PLA2R1: variants seen among roughly 807,000 people sequenced by gnomAD.
PLA2R1 encodes the protein secretory phospholipase A2 receptor.
Under a neutral mutation model 195.9 loss-of-function variants are expected in PLA2R1, and 158 were observed. The observed-to-expected ratio is 0.81, with a 90% CI of 0.71 to 0.92. PLA2R1 has a LOEUF of 0.92. PLA2R1 is among the 40% of genes least tolerant of loss of function. PLA2R1 has a pLI of 0.00. For missense variants in PLA2R1, 1,626 were observed against 1,764.6 expected (o/e 0.92, Z 1.41); for synonymous variants, 586 against 598.2 (o/e 0.98, Z 0.30).
chr2:159,976,761 T>A, intron 15 of PLA2R1, 41 bp from the exon 16 acceptor site: 1 of 1,517,966 alleles, frequency 6.6e-7, no homozygotes, highest in Non-Finnish European at 9.1e-7. Context: ...ATCTTGCTTC[T>A]CAAGTGCATT....
At chr2:159,986,433 A>C (rs1690339926) in intron 12 of PLA2R1, among the ~76,000 whole-genome samples, 3 of 152,012 alleles carry the variant, frequency 2.0e-5, no homozygotes, top group African/African-American at 7.2e-5. Flanking sequence ...CCAGATTCAT[A>C]CTCTGGCAGC....
intron 3 of PLA2R1, among the ~76,000 whole-genome samples, chr2:160,039,811 C>A (rs1355422): frequency 2.0e-5 from 3 of 151,632 alleles, no homozygotes; most frequent in Non-Finnish European, 4.4e-5. Context: ...CTGAGCTGTA[C>A]AAGGCTGAAC....
intron 9 of PLA2R1, 60 bp from the exon 10 acceptor site, chr2:160,013,435 T>C: frequency 1.1e-6 from 1 of 943,588 alleles, no homozygotes; most frequent in East Asian, 2.5e-5. Context: ...TACCAAGAGA[T>C]ATTTTTGCAT....
chr2:160,010,210 T>C (rs182342595), intron 10 of PLA2R1, among the ~76,000 whole-genome samples: 1 of 152,374 alleles, frequency 6.6e-6, no homozygotes, highest in African/African-American at 2.4e-5. Context: ...TTGGATTATT[T>C]TGTACCAATA....
chr2:159,945,675 T>G (rs1251523607), intron 27 of PLA2R1: 5 of 411,928 alleles, frequency 1.2e-5, no homozygotes, highest in Admixed American at 6.4e-5. Context: ...GTATGTGTCT[T>G]TATAGCAGCA....
intron 11 of PLA2R1, among the ~76,000 whole-genome samples, chr2:159,997,356 C>G (rs1419835384): frequency 6.6e-6 from 1 of 152,150 alleles, no homozygotes; most frequent in African/African-American, 2.4e-5. Flanking sequence ...ATAGAGCTGG[C>G]TGGAGTTGCA....
At chr2:160,004,647 G>A (rs1371935718) in intron 11 of PLA2R1, among the ~76,000 whole-genome samples, 1 of 152,226 alleles carries the variant, frequency 6.6e-6, no homozygotes, top group Non-Finnish European at 1.5e-5. Flanking sequence ...ACTCTTTGCT[G>A]TTGTCTCTGG....
intron 1 of PLA2R1, among the ~76,000 whole-genome samples, chr2:160,059,355 T>C (rs1253513578): frequency 2.0e-5 from 3 of 152,174 alleles, no homozygotes; most frequent in Non-Finnish European, 2.9e-5. Flanking sequence ...CTGTGCACCG[T>C]AGTAAGTAAT....
Position 159,955,155 on chromosome 2 carries a change from T to C in PLA2R1, c.3301+44A>G, listed in dbSNP as rs555628206. ...GTAAAACCAACATGAAAGAGAAGGA[T>C]GGACTTTGGAAATGAAAGGAATAAA... On this transcript the variant is annotated intron_variant, in intron 23 of 29. Coordinates refer to ENST00000283243, the MANE Select transcript of PLA2R1 (RefSeq NM_007366.5). 321 of 1,489,718 alleles carry C rather than the reference T, an allele frequency of 2.2e-4. 2 individuals are homozygous for C. In the South Asian group the frequency reaches 3.0e-3, roughly 14 times the overall value. The allele number at this position is 1,489,718 out of a possible 1,614,324, so 92.3% of individuals were successfully genotyped here.
At position 159,935,491 on chromosome 2, in the gene PLA2R1, CAG is replaced by C. The variant is rs1356009007; in HGVS notation, c.*6285_*6286del. On this transcript the variant is annotated 3_prime_UTR_variant, in exon 30 of 30. Coordinates refer to ENST00000283243, the MANE Select transcript of PLA2R1 (RefSeq NM_007366.5). Reference sequence around the variant, plus strand: ...AATTGTTTACATCAGTATGGACACACAGATATTTATTGTGTGGGTTATAATCC... The same window carrying C: ...AATTGTTTACATCAGTATGGACACACATATTTATTGTGTGGGTTATAATCC... 2.0e-5 allele frequency: 3 copies of C among 152,208 alleles called. No individual in the cohort carries two copies. The highest frequency in any genetic ancestry group is 7.2e-5 in the African/African-American group (3 of 41,458). 9.4% of individuals were successfully genotyped at this position (152,208 alleles called of 1,614,324 possible).
intron 20 of PLA2R1, among the ~76,000 whole-genome samples, chr2:159,963,911 C>A (rs1457892665): frequency 6.6e-6 from 1 of 152,134 alleles, no homozygotes; most frequent in Non-Finnish European, 1.5e-5. Context: ...GGGACTCAAA[C>A]AGAGACTTAC....
At chr2:160,004,497 T>C (rs1195360667) in intron 11 of PLA2R1, among the ~76,000 whole-genome samples, 2 of 152,180 alleles carry the variant, frequency 1.3e-5, no homozygotes, top group African/African-American at 2.4e-5. Flanking sequence ...CCTCCCCCTG[T>C]GGCTTAGCAA....
chr2:159,941,457 T>C lies in PLA2R1; in HGVS notation c.*321A>G, dbSNP rs944824943. ...AAATTCCCCCAAATTTTAGTAGAGA[T>C]ACATTAATGCAAAAACTATTATTCG... On this transcript the variant is annotated 3_prime_UTR_variant, in exon 30 of 30. Coordinates refer to ENST00000283243, the MANE Select transcript of PLA2R1 (RefSeq NM_007366.5). 12 of 180,138 alleles carry C rather than the reference T, an allele frequency of 6.7e-5. No homozygotes were observed. The highest frequency in any genetic ancestry group is 1.3e-4 in the Non-Finnish European group (11 of 85,926). 11.2% of individuals were successfully genotyped at this position (180,138 alleles called of 1,614,324 possible). A position where few individuals can be genotyped will look rare whatever the true frequency, so the allele number is the denominator to read the frequency against.
At chr2:159,942,243 C>CTATG in intron 28 of PLA2R1, 84 bp from the exon 29 acceptor site, 1 of 996,084 alleles carries the variant, frequency 1.0e-6, no homozygotes, top group Non-Finnish European at 1.6e-6. Flanking sequence ...GATCAGCAAA[C>CTATG]TATGGCCCAT....
At chr2:160,038,239 G>A (rs1257454807) in intron 3 of PLA2R1, among the ~76,000 whole-genome samples, 15 of 152,172 alleles carry the variant, frequency 9.9e-5, no homozygotes, top group African/African-American at 3.4e-4. Context: ...TTCAAGACTC[G>A]CACAGGTCTA....
chr2:160,005,905 T>C (rs1691952930), intron 10 of PLA2R1, 84 bp from the exon 11 acceptor site: 5 of 897,320 alleles, frequency 5.6e-6, no homozygotes, highest in South Asian at 1.5e-5. Flanking sequence ...GTGCACAGAA[T>C]GGCCCCAGAG....
Position 160,016,642 on chromosome 2 carries a change from A to AGAT in PLA2R1, c.1522_1523insATC (p.Val507_Leu508insHis), listed in dbSNP as rs1558934752. On this transcript the variant is annotated inframe_insertion, in exon 9 of 30. Transcript: ENST00000283243. ...TTGACATCCTGATTCAGCATCAGAG[A>AGAT]GGACATGGCCTGCTTTTTTACAAAT... The AGAT allele has an allele frequency of 6.2e-7, 1 of 1,607,132 alleles. No homozygotes were observed. Among genetic ancestry groups the AGAT allele is most frequent in the South Asian group, 1.1e-5 (1 of 90,912 alleles).
At chr2:160,030,638 A>G (rs754491914) in intron 4 of PLA2R1, among the ~76,000 whole-genome samples, 13 of 152,234 alleles carry the variant, frequency 8.5e-5, no homozygotes, top group Admixed American at 5.2e-4. Flanking sequence ...AAGCTGGCCC[A>G]CGATACTGTA....
chr2:160,006,312 G>A (rs1370063289), intron 10 of PLA2R1, among the ~76,000 whole-genome samples: 1 of 152,226 alleles, frequency 6.6e-6, no homozygotes, highest in Admixed American at 6.5e-5. Context: ...TGGTGAGAAA[G>A]AAACAGAAAT....
Sources: allele counts gnomAD v4.1 joint callset (sites outside exome capture counted in the v4.1 genomes callset), GRCh38; gene constraint gnomAD v4.1.1; transcripts MANE v1.5; gene names NCBI Gene and HGNC (gene_info 2026-07-23, HGNC 2026-07-21).